The following STPG2 variants were observed in gnomAD, a reference collection of about 807,000 sequenced individuals.
The protein encoded by STPG2 is sperm tail PG-rich repeat containing 2, also known as sperm-tail PG-rich repeat-containing protein 2.
STPG2 carries 56 observed loss-of-function variants against 54.2 expected under a neutral mutation model. That is an observed-to-expected ratio of 1.03 (90% CI 0.83 to 1.29). The LOEUF (loss-of-function observed/expected upper bound fraction) is 1.29, where lower values mean the gene tolerates loss of function less well. Among genes scored for constraint, STPG2 ranks in the 50% most tolerant of loss-of-function variants. The pLI is 0.00. For synonymous variants in STPG2, 200 were observed against 181.8 expected, an observed-to-expected ratio of 1.10 and a Z score of -0.81; for missense variants, 596 against 544.9, an observed-to-expected ratio of 1.09 and a Z score of -0.93.
At chr4:97,935,449 T>C (rs1269581024) in intron 8 of STPG2, among the ~76,000 whole-genome samples, 2 of 152,208 alleles carry the variant, frequency 1.3e-5, no homozygotes, top group East Asian at 1.9e-4. Context: ...CTCTTGCTTC[T>C]CTAGTTGCTT....
At chr4:97,997,163 C>T (rs140005631) in intron 5 of STPG2, among the ~76,000 whole-genome samples, 51 of 152,334 alleles carry the variant, frequency 3.3e-4, no homozygotes, top group Admixed American at 3.1e-3. Context: ...GCACTATACA[C>T]AATAGCAAAG....
At chr4:97,568,697 C>T (rs1042835405) in intron 10 of STPG2, among the ~76,000 whole-genome samples, 15 of 151,854 alleles carry the variant, frequency 9.9e-5, no homozygotes, top group East Asian at 1.9e-4. Context: ...AGAACTTGAG[C>T]AAGGAAGATA....
intron 10 of STPG2, among the ~76,000 whole-genome samples, chr4:97,672,166 CTTTTTTTTTTTT>C (rs70953079): frequency 1.2e-5 from 1 of 80,686 alleles, no homozygotes; most frequent in African/African-American, 4.7e-5. Context: ...ACTGGTAATT[CTTTTTTTTTTTT>C]TTTTTTTTTT....
chr4:98,106,022 A>T lies in STPG2; in HGVS notation c.543T>A (p.Asp181Glu). The T allele has an allele frequency of 6.5e-7, 1 of 1,541,248 alleles. No homozygotes were observed. Among genetic ancestry groups the T allele is most frequent in the Non-Finnish European group, 8.9e-7 (1 of 1,122,630 alleles). ...TAAATGAACAATAATTTTGTTGTTG[A>T]TCTCTCTTGATGTTAACATTTTCAT... ...SYYENVNIKR[D>E]QQQNYCSFIP... Residue 181 changes from aspartate to glutamate, a missense_variant, in exon 5 of 11, where the codon GAT (aspartate) becomes GAA (glutamate). Coordinates refer to ENST00000295268, the MANE Select transcript of STPG2 (RefSeq NM_174952.3).
chr4:97,592,205 A>C (rs534481189), intron 10 of STPG2, among the ~76,000 whole-genome samples: 2 of 152,244 alleles, frequency 1.3e-5, no homozygotes, highest in Admixed American at 6.5e-5. Context: ...TGGAGAACCC[A>C]AACTAATACT....
chr4:97,926,022 T>A (rs1293907882), intron 8 of STPG2, among the ~76,000 whole-genome samples: 2 of 152,150 alleles, frequency 1.3e-5, no homozygotes. Context: ...CCATAATTCC[T>A]TATACAATTT....
chr4:97,895,462 C>T (rs1290536127), intron 8 of STPG2, among the ~76,000 whole-genome samples: 1 of 151,728 alleles, frequency 6.6e-6, no homozygotes, highest in African/African-American at 2.4e-5. Context: ...CAAAATAAGT[C>T]CTTTTATAAA....
At chr4:97,821,090 C>G (rs1728076684) in intron 9 of STPG2, among the ~76,000 whole-genome samples, 1 of 152,112 alleles carries the variant, frequency 6.6e-6, no homozygotes, top group African/African-American at 2.4e-5. Flanking sequence ...TCTGGAGATG[C>G]ATTCCTTCCA....
intron 10 of STPG2, among the ~76,000 whole-genome samples, chr4:97,629,553 C>T (rs1055373299): frequency 3.3e-5 from 5 of 151,696 alleles, no homozygotes; most frequent in Non-Finnish European, 5.9e-5. Context: ...GCTCATATTA[C>T]GTAACAAAAA....
intron 7 of STPG2, among the ~76,000 whole-genome samples, chr4:97,946,379 A>G (rs925851506): frequency 5.3e-5 from 8 of 152,038 alleles, no homozygotes; most frequent in Non-Finnish European, 1.0e-4. Context: ...CTTTTGCTAT[A>G]CAGAAGCTCT....
rs70953067 is a variant in STPG2, at chr4:97,452,120, ACCC to A, written c.462+260576_462+260578del. Among the ~76,000 whole-genome samples, 89 of 19,438 alleles carry A rather than the reference ACCC, an allele frequency of 4.6e-3. 3 individuals carry two copies. The highest frequency in any genetic ancestry group is 0.017 in the African/African-American group (66 of 3,786). The allele number at this position is 19,438 out of a possible 152,430, so 12.8% of individuals were successfully genotyped here. ...TAGAGCAGGCAGGAGCCCCGCCCCCACCCCCCCCCCCCCCCGCCCCCAGCACAG... is the reference window on the plus strand; with the variant it reads ...TAGAGCAGGCAGGAGCCCCGCCCCCACCCCCCCCCCCCGCCCCCAGCACAG... On this transcript the variant is annotated intron_variant, in intron 4 of 4. Transcript: ENST00000522676.
rs764268847 is a variant in STPG2 at position 97,720,353 on chromosome 4, GAGGGTAGAA to G, written c.1205-7548_1205-7540del. On this transcript the variant is annotated intron_variant, in intron 9 of 10. Coordinates refer to ENST00000295268, the MANE Select transcript of STPG2 (RefSeq NM_174952.3). ...CTTTTCATCCTTGGAATATCCCTGA[GAGGGTAGAA>G]AGGGGAAAATTATTATTTAAACTTC... Among the ~76,000 whole-genome samples the G allele has an allele frequency of 4.1e-3, 626 of 152,086 alleles. 4 individuals are homozygous for G. The highest frequency in any genetic ancestry group is 0.014 in the African/African-American group (598 of 41,538).
At chr4:97,770,165 C>G (rs557501449) in intron 9 of STPG2, among the ~76,000 whole-genome samples, 1 of 152,266 alleles carries the variant, frequency 6.6e-6, no homozygotes, top group South Asian at 2.1e-4. Context: ...GAGCTGAGAT[C>G]ACGCCACTGG....
At chr4:97,556,532 T>A (rs1454022675), downstream of STPG2, among the ~76,000 whole-genome samples, 1 of 152,184 alleles carries the variant, frequency 6.6e-6, no homozygotes, top group African/African-American at 2.4e-5. Context: ...AAATTGCATT[T>A]TATGATTTGG....
intron 10 of STPG2, among the ~76,000 whole-genome samples, chr4:97,565,988 T>A (rs1268865264): frequency 6.6e-6 from 1 of 152,160 alleles, no homozygotes; most frequent in African/African-American, 2.4e-5. Context: ...GACATTTAAG[T>A]CTGCGGAGGT....
chr4:97,543,705 G>A (rs995008567), intron 4 of STPG2, among the ~76,000 whole-genome samples: 2 of 151,986 alleles, frequency 1.3e-5, no homozygotes. Context: ...CATGCTTTCA[G>A]ATACATTAAG....
In STPG2 at chr4:97,847,576, T is replaced by C. The variant is rs186419759; in HGVS notation, c.1045-6644A>G. ...GTAAAATAATAACAAAAAGTGCTGA[T>C]AGTCAAAATCACATAGGGAATAACA... On this transcript the variant is annotated intron_variant, in intron 8 of 10. Coordinates refer to ENST00000295268, the MANE Select transcript of STPG2 (RefSeq NM_174952.3). Among the ~76,000 whole-genome samples the C allele has an allele frequency of 1.4e-3, 220 of 152,258 alleles. 1 individual carries two copies. The highest frequency in any genetic ancestry group is 5.1e-3 in the African/African-American group (212 of 41,560).
chr4:97,945,651 G>T (rs1271308576), intron 7 of STPG2, among the ~76,000 whole-genome samples: 1 of 152,040 alleles, frequency 6.6e-6, no homozygotes, highest in Admixed American at 6.6e-5. Context: ...TTTCCACAGA[G>T]ATTGTACTAA....
chr4:97,620,051 C>T (rs1004141810), intron 10 of STPG2, among the ~76,000 whole-genome samples: 1 of 152,010 alleles, frequency 6.6e-6, no homozygotes, highest in African/African-American at 2.4e-5. Context: ...GTCTCGATCT[C>T]CTGACCTTGT....
Sources: allele counts gnomAD v4.1 joint callset (sites outside exome capture counted in the v4.1 genomes callset), GRCh38; gene constraint gnomAD v4.1.1; transcripts MANE v1.5; gene names NCBI Gene and HGNC (gene_info 2026-07-23, HGNC 2026-07-21).